TG: variants seen among roughly 807,000 people sequenced by gnomAD.
TG encodes the protein thyroglobulin, also known as thyroid hormones.
TG carries 270 observed loss-of-function variants against 324.7 expected under a neutral mutation model. The observed-to-expected ratio is 0.83, with a 90% CI of 0.75 to 0.92. TG has a LOEUF of 0.92. Among genes scored for constraint, TG ranks in the 40% least tolerant of loss-of-function variants. The pLI is 0.00. For synonymous variants in TG, 1,401 were observed against 1,327.0 expected (o/e 1.06, Z -1.21); for missense variants, 3,591 against 3,456.4 (o/e 1.04, Z -0.98).
chr8:132,901,700 C>A (rs1053982626), intron 16 of TG, 147 bp downstream of exon 16: 1 of 857,284 alleles, frequency 1.2e-6, no homozygotes, highest in Non-Finnish European at 1.8e-6. Flanking sequence ...TGAGTCCCTT[C>A]GTGTGAAAAC....
intron 45 of TG, among the ~76,000 whole-genome samples, chr8:133,118,150 G>T (rs1384476386): frequency 2.6e-5 from 4 of 151,910 alleles, no homozygotes; most frequent in Non-Finnish European, 2.9e-5. Flanking sequence ...TTTCACCAGG[G>T]ACTACTTTAT....
At chr8:133,080,853 A>G (rs1393669327) in intron 41 of TG, among the ~76,000 whole-genome samples, 1 of 152,204 alleles carries the variant, frequency 6.6e-6, no homozygotes, top group African/African-American at 2.4e-5. Flanking sequence ...CTTCAGGCCC[A>G]ACCCAGTGCT....
intron 41 of TG, chr8:133,038,635 G>T: frequency 6.2e-7 from 1 of 1,613,722 alleles, no homozygotes; most frequent in South Asian, 1.1e-5. Context: ...TGTCCTCACT[G>T]GTCAGGGACA....
chr8:132,905,184 G>A (rs985889721), intron 16 of TG, among the ~76,000 whole-genome samples: 1 of 152,108 alleles, frequency 6.6e-6, no homozygotes, highest in Non-Finnish European at 1.5e-5. Context: ...CCATTTTATG[G>A]GTGAGGAAAC....
intron 27 of TG, 57 bp from the exon 28 acceptor site, chr8:132,960,951 G>T: frequency 6.5e-7 from 1 of 1,543,466 alleles, no homozygotes; most frequent in South Asian, 1.1e-5. Flanking sequence ...TGCAGTAATG[G>T]TGGGTACCCA....
intron 43 of TG, among the ~76,000 whole-genome samples, chr8:133,104,681 T>C (rs1365728354): frequency 3.9e-5 from 6 of 152,046 alleles, no homozygotes; most frequent in Admixed American, 6.6e-5. Context: ...AGGGCAGAGA[T>C]TGGGCTCTTG....
Position 133,000,165 on chromosome 8 carries a change from T to C in TG, c.6263-11736T>C, listed in dbSNP as rs541428744. 2.0e-5 allele frequency among the ~76,000 whole-genome samples: 3 copies of C among 152,230 alleles called. 1 individual carries two copies. The highest frequency in any genetic ancestry group is 2.0e-4 in the Admixed American group (3 of 15,286). On this transcript the variant is annotated intron_variant, in intron 35 of 47. Transcript: ENST00000220616. ...AATCCTTAACAAATGTTAGTGAGTA[T>C]GGCTGTGCCAAGCAGTTTGCAGCCA...
chr8:132,963,390 T>G (rs966381229), intron 29 of TG, among the ~76,000 whole-genome samples: 1 of 152,240 alleles, frequency 6.6e-6, no homozygotes, highest in African/African-American at 2.4e-5. Flanking sequence ...TGGGCTTCAC[T>G]TATGTCAGCC....
chr8:132,924,476 C>T (rs1821543039), intron 22 of TG, among the ~76,000 whole-genome samples: 1 of 152,172 alleles, frequency 6.6e-6, no homozygotes, highest in Admixed American at 6.5e-5. Flanking sequence ...TCCTCAGTCT[C>T]CCCAGTGGCT....
intron 41 of TG, among the ~76,000 whole-genome samples, chr8:133,092,236 G>A (rs1419113306): frequency 1.3e-5 from 2 of 152,218 alleles, no homozygotes; most frequent in Non-Finnish European, 2.9e-5. Flanking sequence ...TTGGCCAGGC[G>A]CAGGCCCTGA....
intron 40 of TG, among the ~76,000 whole-genome samples, chr8:133,028,975 A>G (rs1176036242): frequency 3.3e-5 from 5 of 152,126 alleles, no homozygotes; most frequent in Non-Finnish European, 4.4e-5. Flanking sequence ...ACCATCACCA[A>G]CATGTAGGTG....
intron 41 of TG, among the ~76,000 whole-genome samples, chr8:133,078,289 C>T (rs772807287): frequency 1.2e-4 from 18 of 152,174 alleles, no homozygotes; most frequent in Non-Finnish European, 2.4e-4. Context: ...GAGCAGTTTG[C>T]TGTCAAGAAC....
Position 132,882,901 on chromosome 8 carries a change from A to T in TG, c.977A>T (p.Gln326Leu). The T allele has an allele frequency of 1.2e-6, 2 of 1,614,210 alleles. No homozygotes were observed. Among genetic ancestry groups the T allele is most frequent in the Non-Finnish European group, 1.7e-6 (2 of 1,180,038 alleles). Residue 326 changes from glutamine to leucine, a missense_variant, in exon 8 of 48, where the codon CAG (glutamine) becomes CTG (leucine). Gln to Leu is a moderately radical substitution (Grantham distance 113, BLOSUM62 -2). Transcript: ENST00000220616. Reference sequence around the variant, plus strand: ...AGCTGCCGCCGAAATGGCGACTATCAGGCGGTGCAGTGCCAGACGGAAGGG... The same window carrying T: ...AGCTGCCGCCGAAATGGCGACTATCTGGCGGTGCAGTGCCAGACGGAAGGG... ...VPSCRRNGDYQAVQCQTEGPC... is the reference protein window; with the variant it reads ...VPSCRRNGDYLAVQCQTEGPC...
intron 40 of TG, among the ~76,000 whole-genome samples, chr8:133,028,743 G>A (rs1300307105): frequency 6.6e-6 from 1 of 152,192 alleles, no homozygotes; most frequent in Non-Finnish European, 1.5e-5. Flanking sequence ...CCTCCATGGT[G>A]AGACCATGGT....
At chr8:132,960,279 G>A (rs1417852994) in intron 27 of TG, among the ~76,000 whole-genome samples, 3 of 152,138 alleles carry the variant, frequency 2.0e-5, no homozygotes, top group Non-Finnish European at 1.5e-5. Flanking sequence ...ATCATATCTC[G>A]ATGTCCCAGG....
intron 34 of TG, among the ~76,000 whole-genome samples, chr8:132,977,928 T>C (rs1830375122): frequency 6.6e-6 from 1 of 152,152 alleles, no homozygotes; most frequent in African/African-American, 2.4e-5. Context: ...GCACAGAGGG[T>C]AGAAGTCCCT....
chr8:133,061,358 G>T (rs1484552498), intron 41 of TG, among the ~76,000 whole-genome samples: 3 of 152,180 alleles, frequency 2.0e-5, no homozygotes, highest in African/African-American at 7.2e-5. Flanking sequence ...ATTGAACAGT[G>T]TTGGGTTATG....
At chr8:132,958,373 A>G (rs938664663) in intron 27 of TG, among the ~76,000 whole-genome samples, 1 of 151,036 alleles carries the variant, frequency 6.6e-6, no homozygotes, top group African/African-American at 2.5e-5. Context: ...CTATCTATCT[A>G]TCTATCTATC....
At chr8:132,925,516 C>CGTGCGTGTGTGTGT (rs1554670096) in intron 22 of TG, among the ~76,000 whole-genome samples, 6 of 144,824 alleles carry the variant, frequency 4.1e-5, no homozygotes, top group African/African-American at 7.7e-5. Context: ...CTAAGGAGTG[C>CGTGCGTGTGTGTGT]GTGTGTGTGT....
Sources: gnomAD v4.1 joint callset for allele counts (sites outside exome capture counted in the v4.1 genomes callset) on GRCh38, gnomAD v4.1.1 for gene constraint, MANE v1.5 for transcripts, NCBI Gene and HGNC (gene_info 2026-07-23, HGNC 2026-07-21) for gene names.